The following SGCZ variants were observed in gnomAD, a reference collection of about 807,000 sequenced individuals.
SGCZ encodes the protein zeta-sarcoglycan.
A neutral mutation model predicts 41.3 loss-of-function variants in SGCZ; 40 were observed. That is an observed-to-expected ratio of 0.97 (90% confidence interval 0.75 to 1.26). SGCZ has a LOEUF of 1.26. SGCZ is among the 50% of genes most tolerant of loss of function. SGCZ has a pLI of 0.00. For synonymous variants in SGCZ, 206 were observed against 137.5 expected (o/e 1.50, Z -3.49); for missense variants, 552 against 369.8 (o/e 1.49, Z -4.04).
chr8:14,601,990 G>A (rs1404043024), intron 1 of SGCZ, among the ~76,000 whole-genome samples: 4 of 152,154 alleles, frequency 2.6e-5, no homozygotes, highest in African/African-American at 4.8e-5. Context: ...CCTGGTGGCG[G>A]GCGCCTGTAG....
chr8:14,713,915 A>C (rs1327421931), intron 1 of SGCZ, among the ~76,000 whole-genome samples: 1 of 152,150 alleles, frequency 6.6e-6, no homozygotes, highest in Non-Finnish European at 1.5e-5. Flanking sequence ...TAAACCTTTA[A>C]AATGACTTTA....
intron 2 of SGCZ, among the ~76,000 whole-genome samples, chr8:14,543,150 C>A (rs1284019599): frequency 1.3e-5 from 2 of 151,812 alleles, no homozygotes; most frequent in East Asian, 1.9e-4. Context: ...TGTATTTTCA[C>A]AATTGTTCTA....
rs530472846 is a variant in SGCZ, at chr8:14,822,339, G to A, written c.40-267413C>T. Among the ~76,000 whole-genome samples the A allele has an allele frequency of 1.7e-3, 259 of 152,232 alleles. 1 individual carries two copies. Among genetic ancestry groups the A allele is most frequent in the Middle Eastern group, 6.8e-3 (2 of 294 alleles). On this transcript the variant is annotated intron_variant, in intron 1 of 7. Coordinates refer to ENST00000382080, the MANE Select transcript of SGCZ (RefSeq NM_139167.4). ...AACTTTGATGTAAGAAATTGAAGAT[G>A]ACAGAATTAAGTGTAAAGATATTCC...
rs139968617 is a variant in SGCZ, at chr8:14,632,663, C to T, written c.40-77737G>A. The stretch of plus-strand genomic sequence containing the variant: ...ACACTTTAAATATAACAACAGACTG[C>T]CATCTCTTTGATGTCTTAACACACA... On this transcript the variant is annotated intron_variant, in intron 1 of 7. Transcript: ENST00000382080. Among the ~76,000 whole-genome samples the T allele has an allele frequency of 8.8e-3, 1,335 of 152,146 alleles. 18 individuals are homozygous for T. The highest frequency in any genetic ancestry group is 0.03 in the African/African-American group (1,265 of 41,534).
chr8:14,952,113 C>T (rs1346390957), intron 1 of SGCZ, among the ~76,000 whole-genome samples: 1 of 151,938 alleles, frequency 6.6e-6, no homozygotes, highest in African/African-American at 2.4e-5. Context: ...GTGCTGGGGT[C>T]AATTATAGTT....
At chr8:14,262,365 T>C (rs1449157584) in intron 3 of SGCZ, among the ~76,000 whole-genome samples, 8 of 152,114 alleles carry the variant, frequency 5.3e-5, no homozygotes, top group Admixed American at 4.6e-4. Context: ...TCTGTGACAA[T>C]GTGAAGGCTT....
At chr8:14,090,891 G>T (rs774470966) in intron 7 of SGCZ, among the ~76,000 whole-genome samples, 1 of 151,920 alleles carries the variant, frequency 6.6e-6, no homozygotes, top group African/African-American at 2.4e-5. Context: ...CATACAATAC[G>T]CTTAAGGGGC....
chr8:14,901,566 G>A (rs894253482), intron 1 of SGCZ, among the ~76,000 whole-genome samples: 4 of 152,058 alleles, frequency 2.6e-5, no homozygotes, highest in African/African-American at 4.8e-5. Context: ...TGTAAAATGT[G>A]TGAAGGACTG....
At position 14,742,961 on chromosome 8, in the gene SGCZ, G is replaced by A. The variant is rs115766772; in HGVS notation, c.40-188035C>T. Among the ~76,000 whole-genome samples the A allele has an allele frequency of 1.0e-3, 155 of 152,154 alleles. 2 individuals carry two copies. Among genetic ancestry groups the A allele is most frequent in the African/African-American group, 3.1e-3 (129 of 41,544 alleles). The stretch of plus-strand genomic sequence containing the variant: ...CAGTATGATTTTCATAGGAAACTGC[G>A]TTTGCTACAATGTTTGTACCATGAG... On this transcript the variant is annotated intron_variant, in intron 1 of 7. Transcript: ENST00000382080.
intron 1 of SGCZ, among the ~76,000 whole-genome samples, chr8:14,918,962 TG>T (rs1442577296): frequency 6.6e-6 from 1 of 152,186 alleles, no homozygotes; most frequent in Non-Finnish European, 1.5e-5. Flanking sequence ...GAAGGAAGAC[TG>T]GGGGGTTTCA....
At chr8:15,094,745 C>G (rs1167438048) in intron 1 of SGCZ, among the ~76,000 whole-genome samples, 3 of 152,008 alleles carry the variant, frequency 2.0e-5, no homozygotes, top group African/African-American at 7.2e-5. Context: ...GGGCAGTTTC[C>G]CCCATACTGT....
intron 1 of SGCZ, among the ~76,000 whole-genome samples, chr8:15,032,213 T>A (rs1008131643): frequency 4.6e-5 from 7 of 151,744 alleles, no homozygotes. Context: ...TATATAACTA[T>A]CCATACACAA....
At chr8:14,199,387 A>T (rs1393887737) in intron 4 of SGCZ, among the ~76,000 whole-genome samples, 1 of 152,166 alleles carries the variant, frequency 6.6e-6, no homozygotes, top group Non-Finnish European at 1.5e-5. Flanking sequence ...AGATGTTATC[A>T]ATGACAATGC....
At chr8:14,894,349 C>G (rs1039232798) in intron 1 of SGCZ, among the ~76,000 whole-genome samples, 2 of 152,102 alleles carry the variant, frequency 1.3e-5, no homozygotes, top group Non-Finnish European at 2.9e-5. Context: ...GCACATCTGT[C>G]ATTAGAAAAT....
At chr8:14,399,847 C>T (rs186336947) in intron 2 of SGCZ, among the ~76,000 whole-genome samples, 2 of 152,098 alleles carry the variant, frequency 1.3e-5, no homozygotes, top group Admixed American at 6.6e-5. Context: ...TTGAGCTACA[C>T]TTTATATGCT....
intron 1 of SGCZ, among the ~76,000 whole-genome samples, chr8:15,081,131 TC>T (rs1805733053): frequency 6.6e-6 from 1 of 152,148 alleles, no homozygotes; most frequent in African/African-American, 2.4e-5. Context: ...CCTAGCAAAC[TC>T]ATATAGTATG....
intron 1 of SGCZ, among the ~76,000 whole-genome samples, chr8:14,713,321 T>G (rs1165129923): frequency 6.6e-6 from 1 of 152,194 alleles, no homozygotes; most frequent in African/African-American, 2.4e-5. Flanking sequence ...ATCCATTGTT[T>G]AAAGTACAAT....
intron 1 of SGCZ, among the ~76,000 whole-genome samples, chr8:15,144,461 T>C (rs1798982428): frequency 1.3e-5 from 2 of 152,164 alleles, no homozygotes; most frequent in East Asian, 1.9e-4. Context: ...TCTTAGCAGG[T>C]TGACATTCAC....
At chr8:14,696,563 A>T (rs1000113640) in intron 1 of SGCZ, among the ~76,000 whole-genome samples, 7 of 152,118 alleles carry the variant, frequency 4.6e-5, no homozygotes, top group African/African-American at 1.7e-4. Context: ...ATTTCTAAAA[A>T]TACTTATTTC....
Sources: allele counts gnomAD v4.1 joint callset (sites outside exome capture counted in the v4.1 genomes callset), GRCh38; gene constraint gnomAD v4.1.1; transcripts MANE v1.5; gene names NCBI Gene and HGNC (gene_info 2026-07-23, HGNC 2026-07-21).